The following CSMD2 variants were observed in gnomAD, a reference collection of about 807,000 sequenced individuals.
CSMD2 encodes CUB and sushi domain-containing protein 2.
In CSMD2, 130 loss-of-function variants were observed where a neutral mutation model predicts 398.5. The observed-to-expected ratio is 0.33, with a 90% CI of 0.28 to 0.38. The LOEUF is 0.38. Ranked by LOEUF, CSMD2 falls within the 10% of genes least tolerant of loss-of-function variation. The probability of loss-of-function intolerance (pLI) is 1.00; values close to 1 mark genes in which losing one functional copy is unlikely to be tolerated. For missense variants in CSMD2, 3,829 were observed against 4,764.9 expected (o/e 0.80, Z 5.78); for synonymous variants, 1,828 against 1,908.5 (o/e 0.96, Z 1.10).
intron 3 of CSMD2, among the ~76,000 whole-genome samples, chr1:34,017,839 G>A (rs1648340733): frequency 6.6e-6 from 1 of 152,150 alleles, no homozygotes; most frequent in Non-Finnish European, 1.5e-5. Flanking sequence ...AAGATCCAGA[G>A]TCTATATTTC....
intron 3 of CSMD2, among the ~76,000 whole-genome samples, chr1:33,954,055 T>C (rs1376436458): frequency 6.6e-6 from 1 of 152,140 alleles, no homozygotes; most frequent in Non-Finnish European, 1.5e-5. Flanking sequence ...AGGATAATAA[T>C]ATAACTACCC....
intron 33 of CSMD2, 48 bp from the exon 34 acceptor site, chr1:33,625,302 G>T: frequency 6.5e-7 from 1 of 1,542,380 alleles, no homozygotes; most frequent in Non-Finnish European, 8.8e-7. Context: ...CTCAGAAACT[G>T]GCCCAGGGAC....
intron 3 of CSMD2, among the ~76,000 whole-genome samples, chr1:33,988,632 T>A (rs569938134): frequency 6.6e-6 from 1 of 152,142 alleles, no homozygotes. Context: ...GAGCAGGGAC[T>A]TGTTCCACTT....
chr1:33,976,676 T>C (rs1314444173), intron 3 of CSMD2, among the ~76,000 whole-genome samples: 8 of 152,094 alleles, frequency 5.3e-5, no homozygotes, highest in African/African-American at 1.7e-4. Context: ...ATGCCTGAGA[T>C]TCCACCATCA....
intron 5 of CSMD2, among the ~76,000 whole-genome samples, chr1:33,865,176 G>T (rs959569199): frequency 6.6e-6 from 1 of 151,592 alleles, no homozygotes; most frequent in Non-Finnish European, 1.5e-5. Flanking sequence ...GGAACATGAC[G>T]TCTGACTCTG....
At chr1:33,847,820 G>A (rs993275744) in intron 5 of CSMD2, among the ~76,000 whole-genome samples, 2 of 152,072 alleles carry the variant, frequency 1.3e-5, no homozygotes, top group African/African-American at 4.8e-5. Context: ...AAAACATGGG[G>A]ATCATGATGA....
chr1:33,563,216 A>C (rs1658734061), intron 53 of CSMD2, among the ~76,000 whole-genome samples: 1 of 151,532 alleles, frequency 6.6e-6, no homozygotes, highest in South Asian at 2.1e-4. Context: ...AGTAGATGCT[A>C]AGGGAATCTT....
chr1:33,558,503 C>CGTT (rs1658250057), intron 54 of CSMD2, among the ~76,000 whole-genome samples: 1 of 152,108 alleles, frequency 6.6e-6, no homozygotes, highest in Admixed American at 6.5e-5. Flanking sequence ...TATTCATAAC[C>CGTT]CATGACTATA....
Position 33,624,782 on chromosome 1 carries a change from C to T in CSMD2, c.5501-139G>A. 1 of 1,196,804 alleles carries T rather than the reference C, an allele frequency of 8.4e-7. No homozygotes were observed. The highest frequency in any genetic ancestry group is 1.1e-6 in the Non-Finnish European group (1 of 870,428). 74.1% of individuals were successfully genotyped at this position (1,196,804 alleles called of 1,614,324 possible). Reference sequence around the variant, plus strand: ...GTCTCCCTAATGTCCCCAGTCCTGCCTTCTCCACGGCCTCTCCCCATGCAA... The same window carrying T: ...GTCTCCCTAATGTCCCCAGTCCTGCTTTCTCCACGGCCTCTCCCCATGCAA... On this transcript the variant is annotated intron_variant, in intron 34 of 70. Transcript: ENST00000373381. The surrounding 1 kb of genome is among the most constrained non-coding windows in gnomAD (Gnocchi z 4.7).
intron 12 of CSMD2, among the ~76,000 whole-genome samples, chr1:33,785,937 G>A (rs1011119762): frequency 1.3e-5 from 2 of 152,104 alleles, no homozygotes; most frequent in Admixed American, 6.5e-5. Context: ...ACATTCGGGG[G>A]CCATCAACAT....
chr1:33,990,705 C>T (rs753937805), intron 3 of CSMD2, among the ~76,000 whole-genome samples: 47 of 152,180 alleles, frequency 3.1e-4, no homozygotes, highest in Non-Finnish European at 5.0e-4. Flanking sequence ...TTGATCTCTT[C>T]GTACCTTACA....
chr1:33,724,513 C>T lies in CSMD2; in HGVS notation c.2884+3G>A. The T allele has an allele frequency of 6.2e-7, 1 of 1,612,922 alleles. No homozygotes were observed. Among genetic ancestry groups the T allele is most frequent in the Non-Finnish European group, 8.5e-7 (1 of 1,179,328 alleles). On this transcript the variant is annotated splice_donor_region_variant and intron_variant, in intron 18 of 70. Coordinates refer to ENST00000373381, the MANE Select transcript of CSMD2 (RefSeq NM_001281956.2). ...TTTAGCGCCCCCTCATGGTGTCCCT[C>T]ACCTTCACAACTGGGCAGGGCCCGG...
intron 55 of CSMD2, 131 bp from the exon 56 acceptor site, chr1:33,550,481 T>C (rs1557520863): frequency 1.1e-6 from 1 of 916,448 alleles, no homozygotes; most frequent in East Asian, 2.7e-5. Flanking sequence ...GAAGCAAACT[T>C]CCTGCTGGCA....
chr1:33,543,161 A>G (rs868469296), intron 57 of CSMD2, among the ~76,000 whole-genome samples: 2 of 152,300 alleles, frequency 1.3e-5, no homozygotes, highest in South Asian at 4.2e-4. Context: ...TTTAAACACA[A>G]TTGCTTAATA....
intron 6 of CSMD2, among the ~76,000 whole-genome samples, chr1:33,831,136 G>T (rs9726557): frequency 0.78 from 118,852 of 151,430 alleles, 47,489 homozygotes; most frequent in East Asian, 0.94. Flanking sequence ...GCAGGCCAAC[G>T]TTCAGATTCA....
intron 5 of CSMD2, chr1:33,864,885 G>A: frequency 1.4e-6 from 1 of 697,056 alleles, no homozygotes; most frequent in Non-Finnish European, 2.3e-6. Context: ...GACTGATCCT[G>A]AGGAGGGGAA....
intron 3 of CSMD2, among the ~76,000 whole-genome samples, chr1:33,981,829 T>C (rs1330855370): frequency 1.3e-5 from 2 of 152,124 alleles, no homozygotes; most frequent in Non-Finnish European, 1.5e-5. Flanking sequence ...ATGGGCACAG[T>C]GAGGTTCTGC....
chr1:34,082,764 C>T (rs1244433960), intron 2 of CSMD2, among the ~76,000 whole-genome samples: 1 of 152,014 alleles, frequency 6.6e-6, no homozygotes, highest in Non-Finnish European at 1.5e-5. Context: ...AATCTATAAC[C>T]TTACCCCCAA....
At chr1:33,872,973 T>C (rs1456190182) in intron 5 of CSMD2, among the ~76,000 whole-genome samples, 1 of 152,234 alleles carries the variant, frequency 6.6e-6, no homozygotes, top group African/African-American at 2.4e-5. Flanking sequence ...CCTTTGTTCC[T>C]CACATTTTCC....
Sources: gnomAD v4.1 joint callset for allele counts (sites outside exome capture counted in the v4.1 genomes callset) on GRCh38, gnomAD v4.1.1 for gene constraint, Gnocchi (gnomAD v3.1) non-coding constraint, MANE v1.5 for transcripts, NCBI Gene and HGNC (gene_info 2026-07-23, HGNC 2026-07-21) for gene names.